FMN2: variants seen among roughly 807,000 people sequenced by gnomAD.
FMN2 encodes formin-2.
A neutral mutation model predicts 142.3 loss-of-function variants in FMN2; 51 were observed. That is an observed-to-expected ratio of 0.36 (90% CI 0.29 to 0.45). The LOEUF (loss-of-function observed/expected upper bound fraction) is 0.45, where lower values mean the gene tolerates loss of function less well. Ranked by LOEUF, FMN2 falls within the 20% of genes least tolerant of loss-of-function variation. The probability of loss-of-function intolerance (pLI) is 1.00; values close to 1 mark genes in which losing one functional copy is unlikely to be tolerated. For missense variants in FMN2, 1,936 were observed against 2,122.8 expected (o/e 0.91, Z 1.73); for synonymous variants, 882 against 869.8 (o/e 1.01, Z -0.25).
rs555942095 is a variant in FMN2 at position 240,357,651 on chromosome 1, G to A, written c.4858+1743G>A. On this transcript the variant is annotated intron_variant, in intron 14 of 17. Coordinates refer to ENST00000319653, the MANE Select transcript of FMN2 (RefSeq NM_020066.5). ...TGAGACGGAGTCTCGCACTGTTACC[G>A]GGCTGATGTCCAGTGGTGTGATCTC... 2.7e-3 allele frequency among the ~76,000 whole-genome samples: 391 copies of A among 145,632 alleles called. 3 individuals are homozygous for A. Among genetic ancestry groups the A allele is most frequent in the African/African-American group, 9.2e-3 (357 of 38,630 alleles).
intron 16 of FMN2, among the ~76,000 whole-genome samples, chr1:240,459,717 TAAAAAAAAAAAAAAAA>T (rs57065226): frequency 1.3e-3 from 89 of 67,122 alleles, no homozygotes; most frequent in African/African-American, 3.6e-3. Flanking sequence ...ACTCTGTCTC[TAAAAAAAAAAAAAAAA>T]AAAAAAAAAA....
intron 15 of FMN2, among the ~76,000 whole-genome samples, chr1:240,424,648 C>T (rs2103149050): frequency 6.6e-6 from 1 of 152,304 alleles, no homozygotes; most frequent in South Asian, 2.1e-4. Context: ...GTAGACCTTA[C>T]TGTGGACCTG....
chr1:240,098,115 TTTTG>T (rs1325538105), intron 1 of FMN2, among the ~76,000 whole-genome samples: 1 of 148,190 alleles, frequency 6.7e-6, no homozygotes, highest in South Asian at 2.3e-4. Context: ...TTTTTTTTTT[TTTTG>T]GAGACAGATT....
chr1:240,140,106 C>T (rs1663117074), intron 2 of FMN2, among the ~76,000 whole-genome samples: 1 of 152,106 alleles, frequency 6.6e-6, no homozygotes, highest in Non-Finnish European at 1.5e-5. Flanking sequence ...CATTGGCTTA[C>T]TCTCACTTTC....
chr1:240,412,289 T>C (rs1674424244), intron 15 of FMN2, among the ~76,000 whole-genome samples: 1 of 152,150 alleles, frequency 6.6e-6, no homozygotes, highest in African/African-American at 2.4e-5. Context: ...AATTGTTTTA[T>C]TTGAATTTTG....
intron 4 of FMN2, among the ~76,000 whole-genome samples, chr1:240,199,867 GCTTA>G (rs777212458): frequency 3.2e-4 from 48 of 152,114 alleles, no homozygotes; most frequent in Non-Finnish European, 5.4e-4. Flanking sequence ...AAATTGCCAA[GCTTA>G]CTTTTCTCTT....
At chr1:240,372,890 A>G (rs867200730) in intron 14 of FMN2, among the ~76,000 whole-genome samples, 2 of 152,226 alleles carry the variant, frequency 1.3e-5, no homozygotes, top group Non-Finnish European at 2.9e-5. Flanking sequence ...AATATATTTA[A>G]AAATGCTAAC....
intron 8 of FMN2, among the ~76,000 whole-genome samples, chr1:240,303,290 G>A (rs1422008493): frequency 1.3e-5 from 2 of 152,160 alleles, no homozygotes; most frequent in African/African-American, 2.4e-5. Flanking sequence ...TTATGGTCTA[G>A]TGTCCTGTCA....
intron 7 of FMN2, among the ~76,000 whole-genome samples, chr1:240,266,576 T>C (rs1425725613): frequency 1.3e-5 from 2 of 152,086 alleles, no homozygotes; most frequent in Non-Finnish European, 1.5e-5. Flanking sequence ...TGTTCCGTGG[T>C]ATATATGTAC....
In FMN2 at chr1:240,092,105, G is replaced by C; in HGVS notation, c.-5G>C. On this transcript the variant is annotated 5_prime_UTR_variant, in exon 1 of 18. Transcript: ENST00000319653. ...GGCGCGGCGGCGCAGCAGCGGGATT[G>C]CACCATGGGGAACCAGGATGGGAAG... 1 of 1,547,926 alleles carries C rather than the reference G, an allele frequency of 6.5e-7. No homozygotes were observed. The highest frequency in any genetic ancestry group is 2.4e-5 in the East Asian group (1 of 41,232).
chr1:240,172,202 A>G (rs1327181975), intron 2 of FMN2, among the ~76,000 whole-genome samples: 1 of 79,452 alleles, frequency 1.3e-5, no homozygotes, highest in Admixed American at 1.0e-4. Context: ...ACATACACAT[A>G]CACACACACA....
intron 15 of FMN2, among the ~76,000 whole-genome samples, chr1:240,424,765 C>T (rs1488928186): frequency 6.6e-6 from 1 of 152,168 alleles, no homozygotes; most frequent in Non-Finnish European, 1.5e-5. Context: ...AAAGCTCCAC[C>T]ACTCTGGGTT....
At chr1:240,373,604 A>G (rs963414661) in intron 14 of FMN2, among the ~76,000 whole-genome samples, 2 of 151,998 alleles carry the variant, frequency 1.3e-5, no homozygotes, top group African/African-American at 2.4e-5. Flanking sequence ...ATAAGAAGCA[A>G]CTCCTCATCC....
At chr1:240,194,746 T>G (rs571978716) in intron 4 of FMN2, among the ~76,000 whole-genome samples, 34 of 152,346 alleles carry the variant, frequency 2.2e-4, no homozygotes, top group South Asian at 1.9e-3. Context: ...ATGCAGCCTT[T>G]AGTTGGTAGA....
At chr1:240,316,235 A>T (rs1373392891) in intron 8 of FMN2, among the ~76,000 whole-genome samples, 1 of 152,232 alleles carries the variant, frequency 6.6e-6, no homozygotes, top group Non-Finnish European at 1.5e-5. Context: ...CAGTTGCTGA[A>T]AAGGCAACAA....
chr1:240,327,506 T>C (rs10926215), intron 8 of FMN2, among the ~76,000 whole-genome samples: 43,666 of 152,056 alleles, frequency 0.29, 6,326 homozygotes, highest in South Asian at 0.34. Context: ...AAAAATAATA[T>C]TGAAAGAATA....
At chr1:240,142,110 G>A (rs1663209550) in intron 2 of FMN2, among the ~76,000 whole-genome samples, 1 of 152,186 alleles carries the variant, frequency 6.6e-6, no homozygotes, top group African/African-American at 2.4e-5. Flanking sequence ...GAGTCTCCCT[G>A]TAGCTTTGAA....
rs985488097 is a variant in FMN2 at position 240,376,460 on chromosome 1, A to G, written c.4859-16051A>G. Among the ~76,000 whole-genome samples the G allele has an allele frequency of 1.3e-5, 2 of 151,526 alleles. 1 individual carries two copies. On this transcript the variant is annotated intron_variant, in intron 14 of 17. Coordinates refer to ENST00000319653, the MANE Select transcript of FMN2 (RefSeq NM_020066.5). ...TTTTTTAATATAATCGGCCCTTCAT[A>G]TCTGTGGGTTCTGCATGTGTGGATT... is the stretch of plus-strand genomic sequence containing the variant.
intron 7 of FMN2, among the ~76,000 whole-genome samples, chr1:240,286,688 G>A (rs1408944846): frequency 6.6e-6 from 1 of 151,156 alleles, no homozygotes; most frequent in Non-Finnish European, 1.5e-5. Flanking sequence ...TCAAATGTGT[G>A]TACTTCCTGT....
Sources: gnomAD v4.1 joint callset for allele counts (sites outside exome capture counted in the v4.1 genomes callset) on GRCh38, gnomAD v4.1.1 for gene constraint, MANE v1.5 for transcripts, NCBI Gene and HGNC (gene_info 2026-07-23, HGNC 2026-07-21) for gene names.